TSPEAR: variants seen among roughly 807,000 people sequenced by gnomAD.
The protein encoded by TSPEAR is thrombospondin type laminin G domain and EAR repeats.
Under a neutral mutation model 71.6 loss-of-function variants are expected in TSPEAR, and 69 were observed. That is an observed-to-expected ratio of 0.96 (90% confidence interval 0.79 to 1.18). The LOEUF (loss-of-function observed/expected upper bound fraction) is 1.18, where lower values mean the gene tolerates loss of function less well. TSPEAR is among the 50% of genes most tolerant of loss of function. The pLI, the probability that TSPEAR is intolerant of heterozygous loss-of-function variation, is 0.00. For synonymous variants in TSPEAR, 402 were observed against 387.2 expected, an observed-to-expected ratio of 1.04 and a Z score of -0.45; for missense variants, 971 against 894.9, an observed-to-expected ratio of 1.09 and a Z score of -1.09.
rs903066777 is a variant in TSPEAR at position 44,578,071 on chromosome 21, A to G, written c.83-10066T>C. 3.3e-5 allele frequency among the ~76,000 whole-genome samples: 5 copies of G among 152,200 alleles called. 1 individual carries two copies. The East Asian group carries it at 5.8e-4, about 18-fold the overall frequency. ...TGAATTGTGCCTTTCACCTTCCACC[A>G]TGATTGTGAGGCCTCCTCAGCCATG... On this transcript the variant is annotated intron_variant, in intron 1 of 11. Transcript: ENST00000323084.
At chr21:44,652,566 T>C (rs1464860464) in intron 1 of TSPEAR, among the ~76,000 whole-genome samples, 3 of 152,216 alleles carry the variant, frequency 2.0e-5, no homozygotes, top group African/African-American at 4.8e-5. Flanking sequence ...ACTTTTTATG[T>C]CTTACGAAGG....
At chr21:44,521,338 G>A (rs1459748932) in intron 9 of TSPEAR, among the ~76,000 whole-genome samples, 1 of 152,188 alleles carries the variant, frequency 6.6e-6, no homozygotes, top group Non-Finnish European at 1.5e-5. Context: ...CCCTGGAGGT[G>A]GCCTAATAAG....
At chr21:44,698,046 G>A in intron 1 of TSPEAR, 2 of 1,379,446 alleles carry the variant, frequency 1.4e-6, no homozygotes, top group Non-Finnish European at 9.9e-7. Context: ...CGGCTGCTCT[G>A]GTGTCTGTCT....
intron 2 of TSPEAR, among the ~76,000 whole-genome samples, chr21:44,542,905 G>C (rs2053245971): frequency 6.6e-6 from 1 of 151,964 alleles, no homozygotes; most frequent in Non-Finnish European, 1.5e-5. Context: ...AGGAAAACAA[G>C]ACATATTACC....
intron 8 of TSPEAR, among the ~76,000 whole-genome samples, chr21:44,523,839 G>A (rs782611481): frequency 1.3e-5 from 2 of 151,932 alleles, no homozygotes; most frequent in Non-Finnish European, 2.9e-5. Flanking sequence ...TAATTAGGTA[G>A]TCAGCCAGTC....
chr21:44,613,583 G>A lies in TSPEAR; in HGVS notation c.83-45578C>T, dbSNP rs587723213. The stretch of plus-strand genomic sequence containing the variant: ...GGCCTGGTCACCCTCCCTGTGTGCC[G>A]CCCGCCCGAGGGTTCTGCTCGCTTA... On this transcript the variant is annotated intron_variant, in intron 1 of 11. Transcript: ENST00000323084. 4.1e-3 allele frequency among the ~76,000 whole-genome samples: 625 copies of A among 152,250 alleles called. 5 individuals are homozygous for A. The highest frequency in any genetic ancestry group is 0.014 in the African/African-American group (594 of 41,540).
At chr21:44,603,460 G>A (rs1446499981) in intron 1 of TSPEAR, among the ~76,000 whole-genome samples, 13 of 152,140 alleles carry the variant, frequency 8.5e-5, no homozygotes, top group Non-Finnish European at 1.6e-4. Context: ...AGAGAAGCAC[G>A]TCCTCCTCTG....
chr21:44,516,790 G>C (rs2052586032), intron 9 of TSPEAR, among the ~76,000 whole-genome samples: 1 of 152,038 alleles, frequency 6.6e-6, no homozygotes, highest in South Asian at 2.1e-4. Context: ...GGGTTCACCT[G>C]CTTCGTCCTT....
At chr21:44,628,687 T>C (rs1218744955) in intron 1 of TSPEAR, among the ~76,000 whole-genome samples, 2 of 150,250 alleles carry the variant, frequency 1.3e-5, no homozygotes, top group African/African-American at 4.9e-5. Flanking sequence ...GGGTTGGGGC[T>C]GTCCCGGGGG....
At chr21:44,637,421 G>T (rs781996914) in intron 1 of TSPEAR, 18 of 1,601,820 alleles carry the variant, frequency 1.1e-5, no homozygotes, top group Non-Finnish European at 1.5e-5. Context: ...CTCCAGCATG[G>T]CCGCCTCCAC....
intron 5 of TSPEAR, among the ~76,000 whole-genome samples, chr21:44,529,382 G>A (rs1435791003): frequency 2.0e-5 from 3 of 152,242 alleles, no homozygotes; most frequent in Admixed American, 6.5e-5. Flanking sequence ...GGGCCCGACT[G>A]GGGCGGGCTG....
chr21:44,646,473 C>A (rs1249265436), intron 1 of TSPEAR: 1 of 1,612,420 alleles, frequency 6.2e-7, no homozygotes, highest in Non-Finnish European at 8.5e-7. Context: ...CCGCGTCCAC[C>A]ATGTCTGTCT....
chr21:44,517,763 CCCT>C (rs2052625092), intron 9 of TSPEAR: 1 of 471,082 alleles, frequency 2.1e-6, no homozygotes, highest in Admixed American at 2.3e-5. Context: ...GAACACTGAG[CCCT>C]CCTACCTCCT....
In TSPEAR at chr21:44,552,504, G is replaced by A. The variant is rs1218761143; in HGVS notation, c.303+15281C>T. On this transcript the variant is annotated intron_variant, in intron 2 of 11. Coordinates refer to ENST00000323084, the MANE Select transcript of TSPEAR (RefSeq NM_144991.3). ...CCAGAAAGCCTATAGCGCTAGGGAG[G>A]CTCACTGGAAGCTCTCCTGTCATAG... Among the ~76,000 whole-genome samples, 7 of 152,246 alleles carry A rather than the reference G, an allele frequency of 4.6e-5. No homozygotes were observed. The East Asian group carries it at 1.4e-3, about 29-fold the overall frequency.
chr21:44,618,956 A>G (rs1555933012), intron 1 of TSPEAR, among the ~76,000 whole-genome samples: 1 of 152,222 alleles, frequency 6.6e-6, no homozygotes, highest in African/African-American at 2.4e-5. Context: ...AAGGTTCCAC[A>G]TATTTTTAGA....
At chr21:44,549,401 C>G (rs1238684508) in intron 2 of TSPEAR, among the ~76,000 whole-genome samples, 1 of 152,234 alleles carries the variant, frequency 6.6e-6, no homozygotes, top group African/African-American at 2.4e-5. Context: ...GAGAGACAGT[C>G]AGGGCCATCC....
intron 1 of TSPEAR, among the ~76,000 whole-genome samples, chr21:44,631,847 G>C (rs1983275836): frequency 6.6e-6 from 1 of 152,190 alleles, no homozygotes; most frequent in African/African-American, 2.4e-5. Flanking sequence ...AGAGAGAATG[G>C]AGCACTCAAA....
intron 1 of TSPEAR, chr21:44,697,810 C>T: frequency 1.2e-6 from 2 of 1,613,628 alleles, no homozygotes; most frequent in Non-Finnish European, 1.7e-6. Context: ...GCCCTGTGTG[C>T]AGACCCGCCC....
Position 44,528,449 on chromosome 21 carries a change from C to T in TSPEAR, c.922+3G>A, listed in dbSNP as rs2052900471. 6.2e-7 allele frequency: 1 copy of T among 1,613,878 alleles called. No homozygotes were observed. The highest frequency in any genetic ancestry group is 8.5e-7 in the Non-Finnish European group (1 of 1,179,990). ...CAACGCCCCGGGTGCAGGGCTGCCT[C>T]ACCTGCTAACACGGAGACCCACTCG... On this transcript the variant is annotated splice_donor_region_variant and intron_variant, in intron 6 of 11. Coordinates refer to ENST00000323084, the MANE Select transcript of TSPEAR (RefSeq NM_144991.3).
Sources: allele counts gnomAD v4.1 joint callset (sites outside exome capture counted in the v4.1 genomes callset), GRCh38; gene constraint gnomAD v4.1.1; transcripts MANE v1.5; gene names NCBI Gene and HGNC (gene_info 2026-07-23, HGNC 2026-07-21).